The following KCTD16 variants were observed in gnomAD, a reference collection of about 807,000 sequenced individuals.
The protein encoded by KCTD16 is potassium channel tetramerization domain containing 16, also known as BTB/POZ domain-containing protein KCTD16.
A neutral mutation model predicts 33.2 loss-of-function variants in KCTD16; 13 were observed. The observed-to-expected ratio is 0.39, with a 90% CI of 0.25 to 0.62. The LOEUF (loss-of-function observed/expected upper bound fraction) is 0.62. KCTD16 is among the 20% of genes least tolerant of loss of function. KCTD16 has a pLI of 0.50. For synonymous variants in KCTD16, 197 were observed against 195.3 expected, an observed-to-expected ratio of 1.01 and a Z score of -0.07; for missense variants, 441 against 525.1, an observed-to-expected ratio of 0.84 and a Z score of 1.57.
chr5:144,297,145 C>G (rs1030447448), intron 3 of KCTD16, among the ~76,000 whole-genome samples: 1 of 152,196 alleles, frequency 6.6e-6, no homozygotes, highest in Non-Finnish European at 1.5e-5. Context: ...TCCTTTGATT[C>G]TAGCTCCGCT....
chr5:144,305,908 A>G (rs979241117), intron 3 of KCTD16, among the ~76,000 whole-genome samples: 2 of 152,234 alleles, frequency 1.3e-5, no homozygotes, highest in East Asian at 3.8e-4. Flanking sequence ...AATCCTGTGG[A>G]CATGTTGATC....
At chr5:144,418,593 G>A (rs1489201429) in intron 3 of KCTD16, among the ~76,000 whole-genome samples, 1 of 152,048 alleles carries the variant, frequency 6.6e-6, no homozygotes, top group Non-Finnish European at 1.5e-5. Flanking sequence ...TACTGGTGTT[G>A]GTGCTCTTGT....
intron 3 of KCTD16, among the ~76,000 whole-genome samples, chr5:144,287,096 C>T (rs1755766585): frequency 6.6e-6 from 1 of 152,074 alleles, no homozygotes; most frequent in Non-Finnish European, 1.5e-5. Flanking sequence ...CTGGAAGGTC[C>T]GTCTGGCCAT....
intron 3 of KCTD16, among the ~76,000 whole-genome samples, chr5:144,269,805 A>G (rs981663578): frequency 6.6e-6 from 1 of 152,076 alleles, no homozygotes; most frequent in African/African-American, 2.4e-5. Flanking sequence ...TGGGCAGAGA[A>G]TGTATAAGGA....
chr5:144,244,256 G>C (rs150355514), intron 3 of KCTD16, among the ~76,000 whole-genome samples: 4 of 152,132 alleles, frequency 2.6e-5, no homozygotes, highest in Non-Finnish European at 5.9e-5. Flanking sequence ...TTGGTCAAAT[G>C]ATCTATAAGA....
intron 3 of KCTD16, among the ~76,000 whole-genome samples, chr5:144,211,389 A>G (rs557177458): frequency 9.2e-5 from 14 of 152,122 alleles, no homozygotes; most frequent in Non-Finnish European, 1.8e-4. Flanking sequence ...TCCCTACTTC[A>G]AAAATTCCAT....
intron 3 of KCTD16, among the ~76,000 whole-genome samples, chr5:144,352,181 G>A (rs950859635): frequency 2.0e-5 from 3 of 152,064 alleles, no homozygotes; most frequent in Non-Finnish European, 4.4e-5. Flanking sequence ...AGAAAATAAA[G>A]CAGAGGCATA....
Position 144,391,834 on chromosome 5 carries a change from A to G in KCTD16, c.833-81826A>G, listed in dbSNP as rs549623705. Reference sequence around the variant, plus strand: ...AGATCAGCTGCTTTCTGCTACACAAATGTTAACTGATCTGATGATCTTTAT... The same window carrying G: ...AGATCAGCTGCTTTCTGCTACACAAGTGTTAACTGATCTGATGATCTTTAT... On this transcript the variant is annotated intron_variant, in intron 3 of 3. Transcript: ENST00000512467. Among the ~76,000 whole-genome samples, 28 of 152,316 alleles carry G rather than the reference A, an allele frequency of 1.8e-4. No individual in the cohort carries two copies. In the East Asian group the frequency reaches 4.4e-3, roughly 24 times the overall value.
intron 2 of KCTD16, among the ~76,000 whole-genome samples, chr5:144,200,199 T>C (rs1753017095): frequency 6.6e-6 from 1 of 152,094 alleles, no homozygotes; most frequent in African/African-American, 2.4e-5. Flanking sequence ...TATAGTTCAC[T>C]TAGAAGAACT....
chr5:144,179,358 C>T (rs1580769086), intron 2 of KCTD16, among the ~76,000 whole-genome samples: 1 of 152,202 alleles, frequency 6.6e-6, no homozygotes, highest in African/African-American at 2.4e-5. Context: ...ATCCCCCTCC[C>T]CCCATGGGAA....
At chr5:144,309,225 T>G (rs916059526) in intron 3 of KCTD16, among the ~76,000 whole-genome samples, 4 of 152,174 alleles carry the variant, frequency 2.6e-5, no homozygotes, top group Admixed American at 2.6e-4. Flanking sequence ...TGTGCCAAAC[T>G]GCTCAAAGGA....
intron 3 of KCTD16, among the ~76,000 whole-genome samples, chr5:144,263,030 C>A (rs921472028): frequency 2.6e-5 from 4 of 152,188 alleles, no homozygotes; most frequent in African/African-American, 9.7e-5. Context: ...AGTCAGGACA[C>A]ATTTGAATGT....
At chr5:144,440,670 G>GA (rs113323992) in intron 3 of KCTD16, among the ~76,000 whole-genome samples, 136 of 142,888 alleles carry the variant, frequency 9.5e-4, no homozygotes, top group East Asian at 4.1e-3. Flanking sequence ...TATCTCTACT[G>GA]AAAAAAAAAA....
chr5:144,371,018 A>G (rs183621), intron 3 of KCTD16, among the ~76,000 whole-genome samples: 32,373 of 151,976 alleles, frequency 0.21, 3,893 homozygotes, highest in Non-Finnish European at 0.27. Flanking sequence ...CCATCATCTC[A>G]GAAACAAAGA....
intron 3 of KCTD16, among the ~76,000 whole-genome samples, chr5:144,394,318 T>C (rs1752517306): frequency 6.6e-6 from 1 of 152,160 alleles, no homozygotes. Flanking sequence ...ATGCTTGATA[T>C]TGATGGAAAG....
chr5:144,446,905 CAA>C (rs1753832097), intron 3 of KCTD16, among the ~76,000 whole-genome samples: 1 of 152,054 alleles, frequency 6.6e-6, no homozygotes, highest in African/African-American at 2.4e-5. Context: ...AGTCAGGAAA[CAA>C]CAGATGCTGG....
At chr5:144,450,398 A>T (rs923188856) in intron 3 of KCTD16, among the ~76,000 whole-genome samples, 5 of 152,094 alleles carry the variant, frequency 3.3e-5, no homozygotes, top group African/African-American at 1.2e-4. Flanking sequence ...AAGTTTCCTT[A>T]AAAACTTAAA....
At chr5:144,234,963 G>A (rs1373783368) in intron 3 of KCTD16, among the ~76,000 whole-genome samples, 1 of 151,954 alleles carries the variant, frequency 6.6e-6, no homozygotes, top group Admixed American at 6.6e-5. Flanking sequence ...AAACAGAAAT[G>A]CATCATTAAC....
intron 3 of KCTD16, among the ~76,000 whole-genome samples, chr5:144,446,866 C>T (rs1035902323): frequency 7.9e-5 from 12 of 152,108 alleles, no homozygotes; most frequent in South Asian, 2.1e-4. Flanking sequence ...GATACTATCT[C>T]GTGCCAGTTA....
Sources: gnomAD v4.1 joint callset for allele counts (sites outside exome capture counted in the v4.1 genomes callset) on GRCh38, gnomAD v4.1.1 for gene constraint, MANE v1.5 for transcripts, NCBI Gene and HGNC (gene_info 2026-07-23, HGNC 2026-07-21) for gene names.